The following PPM1E variants were observed in gnomAD, a reference collection of about 807,000 sequenced individuals.
PPM1E encodes protein phosphatase, Mg2+/Mn2+ dependent 1E, also known as protein phosphatase 1E.
PPM1E carries 20 observed loss-of-function variants against 65.9 expected under a neutral mutation model. That is an observed-to-expected ratio of 0.30 (90% confidence interval 0.21 to 0.44). The LOEUF is 0.44. Among genes scored for constraint, PPM1E ranks in the 20% least tolerant of loss-of-function variants. The pLI is 1.00. For synonymous variants in PPM1E, 352 were observed against 374.9 expected (o/e 0.94, Z 0.70); for missense variants, 713 against 953.1 (o/e 0.75, Z 3.32).
intron 1 of PPM1E, among the ~76,000 whole-genome samples, chr17:58,766,861 T>C (rs947247577): frequency 1.3e-5 from 2 of 152,180 alleles, no homozygotes; most frequent in East Asian, 3.8e-4. Context: ...AATAGTTTTA[T>C]TTATTACTTG....
intron 1 of PPM1E, among the ~76,000 whole-genome samples, chr17:58,805,807 G>A (rs2050299611): frequency 6.6e-6 from 1 of 151,504 alleles, no homozygotes; most frequent in South Asian, 2.1e-4. Context: ...GTAATACGAA[G>A]AAAGCAAGTA....
intron 1 of PPM1E, among the ~76,000 whole-genome samples, chr17:58,944,885 T>C (rs1378866314): frequency 6.6e-6 from 1 of 152,186 alleles, no homozygotes; most frequent in Non-Finnish European, 1.5e-5. Context: ...TATGGTAACT[T>C]TATGTTTAAA....
At chr17:58,972,312 G>A (rs754502605) in intron 5 of PPM1E, 37 bp downstream of exon 5, 41 of 1,557,684 alleles carry the variant, frequency 2.6e-5, no homozygotes, top group Non-Finnish European at 2.4e-5. Flanking sequence ...CCATGCTCTA[G>A]TTATTAGTTT....
intron 6 of PPM1E, 74 bp from the exon 7 acceptor site, chr17:58,979,900 C>A: frequency 8.6e-7 from 1 of 1,156,208 alleles, no homozygotes; most frequent in Non-Finnish European, 1.2e-6. Context: ...AGAGTCATGG[C>A]ATTGGTCATA....
At chr17:58,825,257 C>T (rs2050523211) in intron 1 of PPM1E, among the ~76,000 whole-genome samples, 2 of 149,408 alleles carry the variant, frequency 1.3e-5, no homozygotes, top group South Asian at 4.3e-4. Flanking sequence ...CACACACACA[C>T]ACACACAAAA....
chr17:58,887,156 C>T (rs2051275736), intron 1 of PPM1E, among the ~76,000 whole-genome samples: 1 of 128,768 alleles, frequency 7.8e-6, no homozygotes, highest in South Asian at 2.6e-4. Flanking sequence ...TAAGTGAGGC[C>T]TTCTTCTTTT....
intron 1 of PPM1E, among the ~76,000 whole-genome samples, chr17:58,902,996 T>C (rs1400844360): frequency 1.3e-5 from 2 of 152,150 alleles, no homozygotes; most frequent in Non-Finnish European, 2.9e-5. Context: ...TGGGAACACA[T>C]AGAAAAGAAT....
At chr17:58,769,879 T>C (rs1184492313) in intron 1 of PPM1E, among the ~76,000 whole-genome samples, 1 of 151,912 alleles carries the variant, frequency 6.6e-6, no homozygotes, top group Non-Finnish European at 1.5e-5. Context: ...ATACAAAAAT[T>C]AGATGGGCAT....
At chr17:58,950,173 C>T (rs1003964517) in intron 1 of PPM1E, among the ~76,000 whole-genome samples, 1 of 149,746 alleles carries the variant, frequency 6.7e-6, no homozygotes, top group Non-Finnish European at 1.5e-5. Flanking sequence ...ACCAGCCTGA[C>T]CAACATGGTG....
At position 58,887,157 on chromosome 17, in the gene PPM1E, T is replaced by G. The variant is rs566861461; in HGVS notation, c.465-68492T>G. Among the ~76,000 whole-genome samples, 4 of 131,062 alleles carry G rather than the reference T, an allele frequency of 3.1e-5. No homozygotes were observed. The East Asian group carries it at 8.3e-4, about 27-fold the overall frequency. 86.0% of individuals were successfully genotyped at this position (131,062 alleles called of 152,430 possible). ...GACCTCATACCTCATAAGTGAGGCCTTCTTCTTTTTTTTTTTTTTTTTTTT... is the reference window on the plus strand; with the variant it reads ...GACCTCATACCTCATAAGTGAGGCCGTCTTCTTTTTTTTTTTTTTTTTTTT... On this transcript the variant is annotated intron_variant, in intron 1 of 6. Coordinates refer to ENST00000308249, the MANE Select transcript of PPM1E (RefSeq NM_014906.5).
At chr17:58,915,222 A>G (rs952922896) in intron 1 of PPM1E, among the ~76,000 whole-genome samples, 2 of 152,196 alleles carry the variant, frequency 1.3e-5, no homozygotes, top group African/African-American at 4.8e-5. Flanking sequence ...GTCCATTTTT[A>G]TGGTTATTTC....
chr17:58,891,837 T>C lies in PPM1E; in HGVS notation c.465-63812T>C, dbSNP rs561330516. 5.1e-3 allele frequency among the ~76,000 whole-genome samples: 691 copies of C among 134,954 alleles called. 6 individuals are homozygous for C. Among genetic ancestry groups the C allele is most frequent in the Non-Finnish European group, 8.7e-3 (546 of 62,514 alleles). The allele number at this position is 134,954 out of a possible 152,430, so 88.5% of individuals were successfully genotyped here. A position where few individuals can be genotyped will look rare whatever the true frequency, so the allele number is the denominator to read the frequency against. On this transcript the variant is annotated intron_variant, in intron 1 of 6. Transcript: ENST00000308249. Reference sequence around the variant, plus strand: ...TTTTACATTTTTTTCTTTTTCTTTTTTTTTTTTTTTTTTTTTGAGACAGAG... The same window carrying C: ...TTTTACATTTTTTTCTTTTTCTTTTCTTTTTTTTTTTTTTTTGAGACAGAG...
chr17:58,913,347 A>G (rs746331506), intron 1 of PPM1E, among the ~76,000 whole-genome samples: 37 of 152,314 alleles, frequency 2.4e-4, no homozygotes, highest in Non-Finnish European at 4.9e-4. Flanking sequence ...TAGCAAGGTA[A>G]TAAGTGAGTT....
At chr17:58,798,425 A>G (rs566600950) in intron 1 of PPM1E, among the ~76,000 whole-genome samples, 1 of 150,726 alleles carries the variant, frequency 6.6e-6, no homozygotes, top group Non-Finnish European at 1.5e-5. Flanking sequence ...GGGTTTCACC[A>G]TGTTGGTCAG....
intron 1 of PPM1E, among the ~76,000 whole-genome samples, chr17:58,924,161 C>T (rs777619215): frequency 6.6e-6 from 1 of 151,066 alleles, no homozygotes; most frequent in Non-Finnish European, 1.5e-5. Context: ...CTCAAGTGAT[C>T]TGCCTGCCTC....
intron 1 of PPM1E, among the ~76,000 whole-genome samples, chr17:58,875,916 A>T (rs1158363412): frequency 6.6e-6 from 1 of 152,206 alleles, no homozygotes; most frequent in African/African-American, 2.4e-5. Flanking sequence ...TTAATGAGAG[A>T]TATAGTACAA....
chr17:58,894,470 C>T (rs1288373361), intron 1 of PPM1E, among the ~76,000 whole-genome samples: 3 of 152,054 alleles, frequency 2.0e-5, no homozygotes, highest in Non-Finnish European at 4.4e-5. Flanking sequence ...AGTTTGGTGA[C>T]ACTGCATGGA....
intron 1 of PPM1E, among the ~76,000 whole-genome samples, chr17:58,875,018 C>A (rs980994284): frequency 4.6e-5 from 7 of 152,004 alleles, no homozygotes; most frequent in African/African-American, 1.7e-4. Context: ...TGGTGTGTGT[C>A]CTTTTAACTC....
chr17:58,859,008 G>A (rs538565709), intron 1 of PPM1E, among the ~76,000 whole-genome samples: 13 of 152,340 alleles, frequency 8.5e-5, no homozygotes, highest in Middle Eastern at 3.4e-3. Context: ...ATTAAGTATA[G>A]CGTTTATTCA....
Sources: allele counts gnomAD v4.1 joint callset (sites outside exome capture counted in the v4.1 genomes callset), GRCh38; gene constraint gnomAD v4.1.1; transcripts MANE v1.5; gene names NCBI Gene and HGNC (gene_info 2026-07-23, HGNC 2026-07-21).